ROBO2: variants seen among roughly 807,000 people sequenced by gnomAD.
ROBO2 encodes the protein roundabout homolog 2.
In ROBO2, 53 loss-of-function variants were observed where a neutral mutation model predicts 160.8. The ratio of observed to expected loss-of-function variants is 0.33; its 90% CI spans 0.26 to 0.41. ROBO2 has a LOEUF of 0.41. Among genes scored for constraint, ROBO2 ranks in the 10% least tolerant of loss-of-function variants. The pLI is 1.00. For missense variants in ROBO2, 1,577 were observed against 1,722.4 expected, an observed-to-expected ratio of 0.92 and a Z score of 1.49; for synonymous variants, 664 against 611.7, an observed-to-expected ratio of 1.09 and a Z score of -1.26.
At chr3:75,989,247 A>G (rs1276196800) in intron 2 of ROBO2, among the ~76,000 whole-genome samples, 2 of 151,968 alleles carry the variant, frequency 1.3e-5, no homozygotes, top group Non-Finnish European at 2.9e-5. Flanking sequence ...CCTCCCAAGT[A>G]GCTGGGACTA....
At chr3:76,626,512 A>C (rs1292882617) in intron 2 of ROBO2, among the ~76,000 whole-genome samples, 1 of 152,154 alleles carries the variant, frequency 6.6e-6, no homozygotes, top group Non-Finnish European at 1.5e-5. Context: ...ATAAAGAAGT[A>C]TTTTGTGGAA....
At chr3:76,570,120 C>T (rs1188496320) in intron 2 of ROBO2, among the ~76,000 whole-genome samples, 1 of 152,036 alleles carries the variant, frequency 6.6e-6, no homozygotes, top group Non-Finnish European at 1.5e-5. Flanking sequence ...GGCAACAAAG[C>T]GAGACCCTGC....
chr3:77,178,918 C>A (rs984605610), intron 2 of ROBO2, among the ~76,000 whole-genome samples: 2 of 151,956 alleles, frequency 1.3e-5, no homozygotes, highest in African/African-American at 2.4e-5. Context: ...TAGTCTTACT[C>A]GAGGCAGTTG....
At chr3:77,204,307 T>A (rs2083202753) in intron 2 of ROBO2, among the ~76,000 whole-genome samples, 1 of 150,830 alleles carries the variant, frequency 6.6e-6, no homozygotes, top group Non-Finnish European at 1.5e-5. Context: ...AATATGTTAC[T>A]TTTTTTTTAG....
At chr3:76,132,729 C>A (rs1295256095) in intron 2 of ROBO2, among the ~76,000 whole-genome samples, 1 of 152,106 alleles carries the variant, frequency 6.6e-6, no homozygotes, top group South Asian at 2.1e-4. Context: ...AATGTCAGTT[C>A]TCTTATGTGA....
intron 2 of ROBO2, among the ~76,000 whole-genome samples, chr3:76,762,274 G>T (rs576529093): frequency 6.6e-6 from 1 of 151,470 alleles, no homozygotes; most frequent in Non-Finnish European, 1.5e-5. Flanking sequence ...CATGTTGCAA[G>T]AATAATATTA....
chr3:76,009,330 C>G (rs2066128182), intron 2 of ROBO2, among the ~76,000 whole-genome samples: 1 of 152,154 alleles, frequency 6.6e-6, no homozygotes, highest in African/African-American at 2.4e-5. Context: ...GTCTCGATCT[C>G]CTGACCTCGT....
intron 2 of ROBO2, among the ~76,000 whole-genome samples, chr3:76,390,517 G>A (rs146573089): frequency 6.6e-6 from 1 of 152,186 alleles, no homozygotes; most frequent in East Asian, 1.9e-4. Flanking sequence ...ATTTTTACCA[G>A]TATGCTAGAC....
intron 2 of ROBO2, among the ~76,000 whole-genome samples, chr3:76,696,440 G>A (rs2092929430): frequency 6.6e-6 from 1 of 151,388 alleles, no homozygotes; most frequent in South Asian, 2.1e-4. Flanking sequence ...CCATACGAAG[G>A]GAGGGGACCC....
At chr3:76,107,151 A>C (rs2069975730) in intron 2 of ROBO2, among the ~76,000 whole-genome samples, 1 of 152,156 alleles carries the variant, frequency 6.6e-6, no homozygotes, top group African/African-American at 2.4e-5. Flanking sequence ...TCTCCAGTTT[A>C]GAGGAAGAAA....
At chr3:76,608,994 C>T (rs1225878842) in intron 2 of ROBO2, among the ~76,000 whole-genome samples, 1 of 152,126 alleles carries the variant, frequency 6.6e-6, no homozygotes, top group Non-Finnish European at 1.5e-5. Context: ...GCTTAGCTTC[C>T]CCACATAAGT....
intron 2 of ROBO2, among the ~76,000 whole-genome samples, chr3:77,032,335 T>G (rs903897922): frequency 2.6e-5 from 4 of 152,172 alleles, no homozygotes; most frequent in African/African-American, 9.6e-5. Context: ...ACATCATCAA[T>G]TTGAGCTTTC....
chr3:77,089,788 T>C (rs758798547), intron 1 of ROBO2, among the ~76,000 whole-genome samples: 2 of 152,152 alleles, frequency 1.3e-5, no homozygotes, highest in Non-Finnish European at 2.9e-5. Context: ...AAAAGTTATC[T>C]CATAATACTT....
chr3:76,458,777 GGAA>G (rs111747294), intron 2 of ROBO2, among the ~76,000 whole-genome samples: 15,577 of 152,076 alleles, frequency 0.1, 1,022 homozygotes, highest in East Asian at 0.2. Flanking sequence ...GAGAAAATGA[GGAA>G]GAAGCAAAAG....
rs2092691121 is a variant in ROBO2 at position 77,546,194 on chromosome 3, T to G, written c.935-144T>G. On this transcript the variant is annotated intron_variant, in intron 6 of 25. Coordinates refer to ENST00000461745, the Ensembl canonical transcript of ROBO2. ...TGAATATAATGTCTTTCTTTTTGTG[T>G]TTTGAGAAATGTGTAAAAGTAAATA... 8 of 929,524 alleles carry G rather than the reference T, an allele frequency of 8.6e-6. No homozygotes were observed. In the East Asian group the frequency reaches 2.1e-4, roughly 25 times the overall value. 57.6% of individuals were successfully genotyped at this position (929,524 alleles called of 1,614,324 possible). A position where few individuals can be genotyped will look rare whatever the true frequency, so the allele number is the denominator to read the frequency against.
chr3:76,146,889 AACACACACACACATAC>A (rs2071927119), intron 2 of ROBO2, among the ~76,000 whole-genome samples: 1 of 148,344 alleles, frequency 6.7e-6, no homozygotes, highest in African/African-American at 2.5e-5. Context: ...CACACACACA[AACACACACACACATAC>A]ACACACACAC....
intron 2 of ROBO2, among the ~76,000 whole-genome samples, chr3:77,448,733 C>A (rs1318284723): frequency 6.7e-6 from 1 of 150,184 alleles, no homozygotes; most frequent in Non-Finnish European, 1.5e-5. Flanking sequence ...GGGAACTGGG[C>A]AAAGGAACCA....
At chr3:76,778,457 A>T (rs1334074925) in intron 2 of ROBO2, among the ~76,000 whole-genome samples, 1 of 151,042 alleles carries the variant, frequency 6.6e-6, no homozygotes, top group East Asian at 2.0e-4. Flanking sequence ...TCTATTAGCT[A>T]GTGTTCTTGA....
intron 2 of ROBO2, among the ~76,000 whole-genome samples, chr3:76,683,593 C>T (rs1243799436): frequency 9.9e-5 from 15 of 151,922 alleles, no homozygotes; most frequent in South Asian, 4.1e-4. Context: ...GTTTCATTTA[C>T]GTTACATCTT....
Sources: gnomAD v4.1 joint callset for allele counts (sites outside exome capture counted in the v4.1 genomes callset) on GRCh38, gnomAD v4.1.1 for gene constraint, MANE v1.5 for transcripts, NCBI Gene and HGNC (gene_info 2026-07-23, HGNC 2026-07-21) for gene names.